Variants in EXT2 observed in about 807,000 individuals in gnomAD.
EXT2 encodes the protein exostosin-2.
EXT2 carries 53 observed loss-of-function variants against 81.6 expected under a neutral mutation model. That is an observed-to-expected ratio of 0.65 (90% confidence interval 0.52 to 0.82). The LOEUF (loss-of-function observed/expected upper bound fraction) is 0.82, where lower values mean the gene tolerates loss of function less well. Among genes scored for constraint, EXT2 ranks in the 40% least tolerant of loss-of-function variants. The pLI, the probability that EXT2 is intolerant of heterozygous loss-of-function variation, is 0.00. For missense variants in EXT2, 774 were observed against 910.2 expected (o/e 0.85, Z 1.93); for synonymous variants, 320 against 340.0 (o/e 0.94, Z 0.65).
At chr11:44,207,696 G>C (rs1244752592) in intron 10 of EXT2, among the ~76,000 whole-genome samples, 1 of 152,176 alleles carries the variant, frequency 6.6e-6, no homozygotes, top group East Asian at 1.9e-4. Context: ...AGGGGAGCAA[G>C]GTAACCATTT....
rs759924417 is a variant in EXT2, at chr11:44,107,932, G to C, written c.220G>C (p.Asp74His). 1 of 1,614,206 alleles carries C rather than the reference G, an allele frequency of 6.2e-7. No homozygotes were observed. The highest frequency in any genetic ancestry group is 2.2e-5 in the East Asian group (1 of 44,874). Residue 74 changes from aspartate (D) to histidine (H), a missense_variant, in exon 2 of 14, where the codon GAC (aspartate) becomes CAC (histidine). Transcript: ENST00000533608. ...RDVPVVRLPADSPIPERGDLS... is the reference protein window; with the variant it reads ...RDVPVVRLPAHSPIPERGDLS... Reference sequence around the variant, plus strand: ...TGTGCCGGTTGTTAGGCTGCCAGCCGACAGTCCCATCCCAGAGCGGGGGGA... The same window carrying C: ...TGTGCCGGTTGTTAGGCTGCCAGCCCACAGTCCCATCCCAGAGCGGGGGGA...
intron 7 of EXT2, among the ~76,000 whole-genome samples, chr11:44,160,180 G>C (rs1954910184): frequency 6.6e-6 from 1 of 152,150 alleles, no homozygotes; most frequent in South Asian, 2.1e-4. Flanking sequence ...GGTTTCCCTG[G>C]AGTTTTTAAA....
intron 9 of EXT2, among the ~76,000 whole-genome samples, chr11:44,205,799 A>G (rs1055858313): frequency 6.6e-6 from 1 of 152,242 alleles, no homozygotes; most frequent in Non-Finnish European, 1.5e-5. Flanking sequence ...TTCTACAATT[A>G]CATGATGGAC....
At position 44,108,152 on chromosome 11, in the gene EXT2, T is replaced by G; in HGVS notation, c.440T>G (p.Ile147Ser). The G allele has an allele frequency of 6.2e-7, 1 of 1,614,136 alleles. No individual in the cohort carries two copies. Among genetic ancestry groups the G allele is most frequent in the Non-Finnish European group, 8.5e-7 (1 of 1,180,026 alleles). ...GACAGTGACTACTACACTGATGACATCAACCGGGCCTGTCTGTTTGTTCCC... is the reference window on the plus strand; with the variant it reads ...GACAGTGACTACTACACTGATGACAGCAACCGGGCCTGTCTGTTTGTTCCC... The part of the protein sequence containing the change: ...ISDSDYYTDD[I>S]NRACLFVPSI... Residue 147 changes from isoleucine (I) to serine (S), a missense_variant, in exon 2 of 14, where the codon ATC (isoleucine) becomes AGC (serine). Ile to Ser is a moderately radical substitution (Grantham distance 142, BLOSUM62 -2). Coordinates refer to ENST00000533608, the MANE Select transcript of EXT2 (RefSeq NM_207122.2).
intron 8 of EXT2, among the ~76,000 whole-genome samples, chr11:44,186,560 G>A (rs1275595187): frequency 3.3e-5 from 5 of 152,320 alleles, no homozygotes; most frequent in African/African-American, 1.2e-4. Context: ...TGGAAGAAGG[G>A]TGGGCATTTA....
chr11:44,105,704 G>T (rs571504493), intron 1 of EXT2, among the ~76,000 whole-genome samples: 1 of 152,332 alleles, frequency 6.6e-6, no homozygotes, highest in South Asian at 2.1e-4. Flanking sequence ...GCCCTCCCCC[G>T]AAACAGTATC....
intron 7 of EXT2, among the ~76,000 whole-genome samples, chr11:44,154,450 TG>T (rs1806159996): frequency 6.6e-6 from 1 of 152,136 alleles, no homozygotes; most frequent in African/African-American, 2.4e-5. Flanking sequence ...TTTCCATCCA[TG>T]TTGCAAATGA....
chr11:44,187,977 A>T, intron 8 of EXT2, among the ~76,000 whole-genome samples: 1 of 152,220 alleles, frequency 6.6e-6, no homozygotes, highest in Non-Finnish European at 1.5e-5. Flanking sequence ...CCCAAGTTAA[A>T]CAGGGAACAC....
intron 9 of EXT2, among the ~76,000 whole-genome samples, chr11:44,206,263 C>A (rs117471871): frequency 6.6e-6 from 1 of 152,174 alleles, no homozygotes; most frequent in Non-Finnish European, 1.5e-5. Flanking sequence ...CGGGGACCTT[C>A]GGCACATGCA....
At chr11:44,105,988 C>T (rs1954048839) in intron 1 of EXT2, among the ~76,000 whole-genome samples, 1 of 152,180 alleles carries the variant, frequency 6.6e-6, no homozygotes, top group Admixed American at 6.5e-5. Context: ...ACTGAGATCT[C>T]CGTGTCCACT....
intron 12 of EXT2, 128 bp from the exon 13 acceptor site, chr11:44,236,165 G>A: frequency 1.3e-6 from 1 of 796,432 alleles, no homozygotes; most frequent in South Asian, 1.4e-5. Flanking sequence ...CGAGGTGTGT[G>A]TGTGTGTGTG....
intron 7 of EXT2, among the ~76,000 whole-genome samples, chr11:44,155,754 A>G (rs1954847957): frequency 6.6e-6 from 1 of 152,112 alleles, no homozygotes; most frequent in Non-Finnish European, 1.5e-5. Flanking sequence ...TTTCTACCCA[A>G]GATATGAATA....
intron 11 of EXT2, among the ~76,000 whole-genome samples, chr11:44,233,834 A>G (rs1420861020): frequency 2.0e-5 from 3 of 152,142 alleles, no homozygotes; most frequent in African/African-American, 7.2e-5. Context: ...TTGACCCAAT[A>G]ATTTCTACAC....
intron 1 of EXT2, among the ~76,000 whole-genome samples, chr11:44,105,052 T>G (rs749159215): frequency 2.0e-5 from 3 of 152,188 alleles, no homozygotes; most frequent in Non-Finnish European, 2.9e-5. Flanking sequence ...TTCATGACCA[T>G]TTAGCATATT....
At chr11:44,205,648 G>A (rs1333618598) in intron 9 of EXT2, among the ~76,000 whole-genome samples, 1 of 152,204 alleles carries the variant, frequency 6.6e-6, no homozygotes, top group African/African-American at 2.4e-5. Context: ...CAACTATGCA[G>A]AAGTAAAACA....
At chr11:44,096,167 G>T (rs1412492213) in intron 1 of EXT2, 5 of 1,310,662 alleles carry the variant, frequency 3.8e-6, no homozygotes, top group South Asian at 1.3e-5. Flanking sequence ...TTCCTCCTGC[G>T]ACCCGCCCTC....
intron 4 of EXT2, among the ~76,000 whole-genome samples, chr11:44,124,460 C>T (rs1350456258): frequency 6.6e-6 from 1 of 151,700 alleles, no homozygotes; most frequent in Non-Finnish European, 1.5e-5. Context: ...CACACACACA[C>T]ACACACACAC....
intron 4 of EXT2, among the ~76,000 whole-genome samples, chr11:44,115,435 C>T (rs1954208867): frequency 6.6e-6 from 1 of 152,128 alleles, no homozygotes; most frequent in African/African-American, 2.4e-5. Context: ...ATGAAAAGGG[C>T]TGACAACATG....
rs202142452 is a variant in EXT2 at position 44,216,643 on chromosome 11, G to GC, written c.1662+9685dup. 9.9e-5 allele frequency among the ~76,000 whole-genome samples: 15 copies of GC among 152,212 alleles called. No individual in the cohort carries two copies. In the East Asian group the frequency reaches 2.9e-3, roughly 29 times the overall value. ...TTCACAAATGCAAAGGCATCCGAAG[G>GC]CAGTGCTTATGTTAAAGGGTTGGAA... is the stretch of plus-strand genomic sequence containing the variant. On this transcript the variant is annotated intron_variant, in intron 10 of 13. Coordinates refer to ENST00000533608, the MANE Select transcript of EXT2 (RefSeq NM_207122.2).
Sources: gnomAD v4.1 joint callset for allele counts (sites outside exome capture counted in the v4.1 genomes callset) on GRCh38, gnomAD v4.1.1 for gene constraint, MANE v1.5 for transcripts, NCBI Gene and HGNC (gene_info 2026-07-23, HGNC 2026-07-21) for gene names.